BICD1: variants seen among roughly 807,000 people sequenced by gnomAD.
BICD1 encodes the protein protein bicaudal D homolog 1.
A neutral mutation model predicts 92.5 loss-of-function variants in BICD1; 35 were observed. The ratio of observed to expected loss-of-function variants is 0.38; its 90% CI spans 0.29 to 0.50. The LOEUF (loss-of-function observed/expected upper bound fraction) is 0.50. Ranked by LOEUF, BICD1 falls within the 20% of genes least tolerant of loss-of-function variation. The pLI is 0.93. For synonymous variants in BICD1, 429 were observed against 465.1 expected (o/e 0.92, Z 1.00); for missense variants, 950 against 1,189.8 (o/e 0.80, Z 2.97).
At position 32,375,925 on chromosome 12, in the gene BICD1, A is replaced by G. The variant is rs553518424; in HGVS notation, c.2841-1615A>G. Among the ~76,000 whole-genome samples, 3 of 152,346 alleles carry G rather than the reference A, an allele frequency of 2.0e-5. No individual in the cohort carries two copies. The South Asian group carries it at 6.2e-4, about 32-fold the overall frequency. ...AAGCTATGCTTAAATTAATAGTAAT[A>G]ATGAGCCTTGAATTGTTCTCTCAAA... is the stretch of plus-strand genomic sequence containing the variant. On this transcript the variant is annotated intron_variant, in intron 9 of 9. Transcript: ENST00000652176.
chr12:32,265,188 T>C (rs1373035832), intron 2 of BICD1, among the ~76,000 whole-genome samples: 1 of 151,942 alleles, frequency 6.6e-6, no homozygotes, highest in Non-Finnish European at 1.5e-5. Context: ...ATCCCATCTG[T>C]TTCCCCTCTA....
In BICD1 at chr12:32,285,054, G is replaced by A. The variant is rs563445405; in HGVS notation, c.427-8940G>A. On this transcript the variant is annotated intron_variant, in intron 2 of 9. Coordinates refer to ENST00000652176, the MANE Select transcript of BICD1 (RefSeq NM_001714.4). ...TGCTCAGTCTAACTGGAGAATTTTA[G>A]CATTGCCTTCAACACAAATATAAGG... 1.2e-4 allele frequency among the ~76,000 whole-genome samples: 19 copies of A among 152,300 alleles called. No homozygotes were observed. In the South Asian group the frequency reaches 2.7e-3, roughly 22 times the overall value.
intron 1 of BICD1, among the ~76,000 whole-genome samples, chr12:32,114,903 A>T (rs910621504): frequency 6.6e-6 from 1 of 152,252 alleles, no homozygotes; most frequent in Non-Finnish European, 1.5e-5. Flanking sequence ...ATTTAGGGTT[A>T]TGGGGGCTGG....
chr12:32,312,380 C>T (rs1165773197), intron 4 of BICD1, among the ~76,000 whole-genome samples: 1 of 152,140 alleles, frequency 6.6e-6, no homozygotes, highest in African/African-American at 2.4e-5. Context: ...TGCCATGCCT[C>T]CTCTGTAGAA....
At chr12:32,247,649 C>T (rs1424236429) in intron 2 of BICD1, among the ~76,000 whole-genome samples, 1 of 151,962 alleles carries the variant, frequency 6.6e-6, no homozygotes, top group African/African-American at 2.4e-5. Context: ...TGTGGTGGTG[C>T]ACACTCACTT....
intron 4 of BICD1, among the ~76,000 whole-genome samples, chr12:32,312,047 T>TA (rs932206565): frequency 1.5e-3 from 220 of 151,556 alleles, no homozygotes; most frequent in African/African-American, 4.8e-3. Context: ...TTGGGCAAGA[T>TA]AAAAAAAAAT....
At chr12:32,362,395 ATT>A (rs1467461316) in intron 8 of BICD1, among the ~76,000 whole-genome samples, 8 of 152,228 alleles carry the variant, frequency 5.3e-5, no homozygotes, top group Non-Finnish European at 1.2e-4. Context: ...AGTTTTCTAA[ATT>A]GCATTGAAAA....
chr12:32,310,982 G>T (rs1948359188), intron 4 of BICD1, among the ~76,000 whole-genome samples: 1 of 151,966 alleles, frequency 6.6e-6, no homozygotes, highest in African/African-American at 2.4e-5. Context: ...CCATCCATAG[G>T]TATTTATTTA....
intron 1 of BICD1, among the ~76,000 whole-genome samples, chr12:32,161,018 A>C (rs898952175): frequency 6.6e-6 from 1 of 152,256 alleles, no homozygotes; most frequent in African/African-American, 2.4e-5. Context: ...CTTAACCTTT[A>C]GTCTGGAAGC....
intron 1 of BICD1, among the ~76,000 whole-genome samples, chr12:32,200,651 T>A (rs1944879709): frequency 6.6e-6 from 1 of 152,192 alleles, no homozygotes. Context: ...GTTGTTACTA[T>A]AAATAATGAT....
At chr12:32,226,735 T>C (rs954051540) in intron 2 of BICD1, among the ~76,000 whole-genome samples, 4 of 152,134 alleles carry the variant, frequency 2.6e-5, no homozygotes, top group African/African-American at 9.7e-5. Context: ...CCTGTCCCAG[T>C]TGAGAAGCCC....
intron 2 of BICD1, among the ~76,000 whole-genome samples, chr12:32,291,443 G>A (rs1947724270): frequency 6.6e-6 from 1 of 152,078 alleles, no homozygotes; most frequent in Admixed American, 6.6e-5. Flanking sequence ...AGGCTGAGGT[G>A]GGAGGATCAC....
At chr12:32,282,896 CT>C (rs1947458958) in intron 2 of BICD1, among the ~76,000 whole-genome samples, 1 of 152,130 alleles carries the variant, frequency 6.6e-6, no homozygotes, top group Admixed American at 6.5e-5. Context: ...GTTCAGTGTT[CT>C]TTGGGAGGAT....
chr12:32,135,386 CTTTTTTTTT>C (rs71064999), intron 1 of BICD1, among the ~76,000 whole-genome samples: 1 of 44,796 alleles, frequency 2.2e-5, no homozygotes, highest in Non-Finnish European at 3.7e-5. Context: ...CCATGCGTGG[CTTTTTTTTT>C]TTTTTTTTTT....
intron 2 of BICD1, among the ~76,000 whole-genome samples, chr12:32,277,019 A>C (rs2136159656): frequency 6.6e-6 from 1 of 152,366 alleles, no homozygotes; most frequent in South Asian, 2.1e-4. Context: ...GAAAACTAAC[A>C]GTCCCAAAAA....
chr12:32,338,817 C>T lies in BICD1; in HGVS notation c.2602C>T (p.Arg868Cys), dbSNP rs1431570417. 11 of 1,600,848 alleles carry T rather than the reference C, an allele frequency of 6.9e-6. No homozygotes were observed. The highest frequency in any genetic ancestry group is 3.5e-5 in the Admixed American group (2 of 57,474). Residue 868 changes from arginine to cysteine, a missense_variant, in exon 8 of 10, where the codon CGT (arginine) becomes TGT (cysteine). By Grantham distance (180) the Arg-to-Cys change is radical (BLOSUM62 -3). Around this residue, in one of 5 missense-constraint regions of BICD1, gnomAD observed 179 missense variants for 186.7 expected, o/e 0.96. Transcript: ENST00000652176. ...TTCACCTTCCCTTTGTGATCAGAGC[C>T]GTCCCAGGACTTCAGGGGCTTCCTA... ...QFSPSLCDQS[R>C]PRTSGASYLQ... is the part of the protein sequence containing the mutation.
At chr12:32,287,309 C>CT (rs1947595917) in intron 2 of BICD1, among the ~76,000 whole-genome samples, 1 of 151,916 alleles carries the variant, frequency 6.6e-6, no homozygotes, top group Non-Finnish European at 1.5e-5. Context: ...TAAATTATAT[C>CT]TCAGTTTTCA....
chr12:32,233,170 A>C (rs1288546813), intron 2 of BICD1, among the ~76,000 whole-genome samples: 2 of 152,056 alleles, frequency 1.3e-5, no homozygotes, highest in Non-Finnish European at 2.9e-5. Flanking sequence ...AAAAATACAA[A>C]AGTTATGTTG....
In BICD1 at chr12:32,178,855, C is replaced by T. The variant is rs191063706; in HGVS notation, c.214-37392C>T. Among the ~76,000 whole-genome samples the T allele has an allele frequency of 2.0e-5, 3 of 152,086 alleles. No homozygotes were observed. The East Asian group carries it at 5.8e-4, about 29-fold the overall frequency. On this transcript the variant is annotated intron_variant, in intron 1 of 9. Coordinates refer to ENST00000652176, the MANE Select transcript of BICD1 (RefSeq NM_001714.4). ...CATTGGGAGTTACTCTGCACTGCTGCAGGCTGTCCTGGCACACTGCAGGCC... is the reference window on the plus strand; with the variant it reads ...CATTGGGAGTTACTCTGCACTGCTGTAGGCTGTCCTGGCACACTGCAGGCC...
Sources: allele counts gnomAD v4.1 joint callset (sites outside exome capture counted in the v4.1 genomes callset), GRCh38; gene constraint gnomAD v4.1.1; regional missense constraint gnomAD v4.1.1; transcripts MANE v1.5; gene names NCBI Gene and HGNC (gene_info 2026-07-23, HGNC 2026-07-21).